Variants in SKOR1 observed in about 807,000 individuals in gnomAD.
SKOR1 encodes SKI family transcriptional corepressor 1, also known as LBX1 corepressor 1.
Under a neutral mutation model 72.4 loss-of-function variants are expected in SKOR1, and 38 were observed. That is an observed-to-expected ratio of 0.52 (90% CI 0.40 to 0.69). The LOEUF is 0.69. Ranked by LOEUF, SKOR1 falls within the 30% of genes least tolerant of loss-of-function variation. The probability of loss-of-function intolerance (pLI) is 0.00; values close to 1 mark genes in which losing one functional copy is unlikely to be tolerated. For synonymous variants in SKOR1, 642 were observed against 599.4 expected, an observed-to-expected ratio of 1.07 and a Z score of -1.04; for missense variants, 1,320 against 1,343.2, an observed-to-expected ratio of 0.98 and a Z score of 0.27.
At position 67,827,341 on chromosome 15, in the gene SKOR1, G is replaced by A; in HGVS notation, c.1513G>A (p.Ala505Thr). 6.3e-7 allele frequency: 1 copy of A among 1,585,972 alleles called. No individual in the cohort carries two copies. The highest frequency in any genetic ancestry group is 1.7e-5 in the Admixed American group (1 of 59,170). ...CAGCCTCCCGGTACCGTCCTACCCC[G>A]CTGCTCAGAGCCAAGCCAAGGCCGT... ...AGSLPVPSYP[A>T]AQSQAKAVAA... The change falls in exon 2 of 9, where the codon GCT (alanine) becomes ACT (threonine). Residue 505 changes from alanine to threonine, a missense_variant. Transcript: ENST00000380035.
chr15:67,826,332 C>A lies in SKOR1; in HGVS notation c.504C>A (p.Gly168=), dbSNP rs777604413. 1 of 1,613,548 alleles carries A rather than the reference C, an allele frequency of 6.2e-7. No individual in the cohort carries two copies. The highest frequency in any genetic ancestry group is 1.1e-5 in the South Asian group (1 of 91,082). The change falls in exon 2 of 9, where the codon GGC becomes GGA. Residue 168 remains glycine (G), a synonymous_variant. Transcript: ENST00000380035. ...AACGCCTGTGCAAGTCGTTCCTGGG[C>A]GAGCACAAACCACCCAAGCTGCCCG... ...EAERLCKSFL[G]EHKPPKLPEN... is the part of the protein sequence containing the mutation.
Position 67,826,164 on chromosome 15 carries a change from C to T in SKOR1, c.336C>T (p.Ser112=). 6.2e-7 allele frequency: 1 copy of T among 1,613,180 alleles called. No homozygotes were observed. The highest frequency in any genetic ancestry group is 8.5e-7 in the Non-Finnish European group (1 of 1,179,584). ...CCAACACCCTCCTCAAGAACTACAGCTATAATGAGATCCACAACCGCCGCG... is the reference window on the plus strand; with the variant it reads ...CCAACACCCTCCTCAAGAACTACAGTTATAATGAGATCCACAACCGCCGCG... ...QISNTLLKNY[S]YNEIHNRRVA... Residue 112 remains serine, a synonymous_variant, in exon 2 of 9, where the codon AGC becomes AGT. Coordinates refer to ENST00000380035, the MANE Select transcript of SKOR1 (RefSeq NM_001365915.1).
At chr15:67,830,688 T>C in intron 4 of SKOR1, 130 bp from the exon 5 acceptor site, 2 of 849,192 alleles carry the variant, frequency 2.4e-6, no homozygotes, top group African/African-American at 1.7e-5. Flanking sequence ...TGGATTCCTG[T>C]AACTGTCTCC....
At position 67,827,384 on chromosome 15, in the gene SKOR1, C is replaced by A; in HGVS notation, c.1556C>A (p.Ala519Glu). Residue 519 changes from alanine (A) to glutamate (E), a missense_variant, in exon 2 of 9, where the codon GCG (alanine) becomes GAG (glutamate). Coordinates refer to ENST00000380035, the MANE Select transcript of SKOR1 (RefSeq NM_001365915.1). The part of the protein sequence containing the change: ...QAKAVAAAVA[A>E]AAAAAAAAAG... ...AAGGCCGTGGCGGCAGCCGTGGCGGCGGCAGCGGCGGCGGCAGCGGCAGCT... is the reference window on the plus strand; with the variant it reads ...AAGGCCGTGGCGGCAGCCGTGGCGGAGGCAGCGGCGGCGGCAGCGGCAGCT... 1 of 1,548,410 alleles carries A rather than the reference C, an allele frequency of 6.5e-7. No individual in the cohort carries two copies.
rs137873737 is a variant in SKOR1, at chr15:67,832,615, C to G, written c.2671C>G (p.Gln891Glu). 6.2e-7 allele frequency: 1 copy of G among 1,613,886 alleles called. No individual in the cohort carries two copies. The highest frequency in any genetic ancestry group is 8.5e-7 in the Non-Finnish European group (1 of 1,179,922). The change falls in exon 7 of 9, where the codon CAG becomes GAG. Residue 891 changes from glutamine (Q) to glutamate (E), a missense_variant. Gln to Glu is a conservative substitution (Grantham distance 29). This residue lies in a region of SKOR1 where 1,099 missense variants were observed against 1,025.5 expected (regional missense o/e 1.07). Coordinates refer to ENST00000380035, the MANE Select transcript of SKOR1 (RefSeq NM_001365915.1). The surrounding 1 kb of genome is among the most constrained non-coding windows in gnomAD (Gnocchi z 4.5). Reference protein sequence around the residue: ...REFQSLKDNFQDQMKRELAYR... With the variant: ...REFQSLKDNFEDQMKRELAYR... ...TTAATCAATTTGCACAGATAATTTT[C>G]AGGATCAAATGAAGAGGGAATTGGC...
Position 67,827,282 on chromosome 15 carries a change from AC to A in SKOR1, c.1457del (p.Pro486ArgfsTer149). 6.3e-7 allele frequency: 1 copy of A among 1,584,986 alleles called. No individual in the cohort carries two copies. ...VAAAAAAATV[Y>X]PTFPMFWPAA... Reference sequence around the variant, plus strand: ...GCAGCGGCCGCCGCCGCCACTGTGTACCCGACGTTTCCCATGTTCTGGCCAG... The same window carrying A: ...GCAGCGGCCGCCGCCGCCACTGTGTACCGACGTTTCCCATGTTCTGGCCAG... On this transcript the variant is annotated frameshift_variant, in exon 2 of 9. Coordinates refer to ENST00000380035, the MANE Select transcript of SKOR1 (RefSeq NM_001365915.1). LOFTEE classifies it high-confidence loss of function.
At position 67,825,572 on chromosome 15, in the gene SKOR1, A is replaced by G. The variant is rs748354021; in HGVS notation, c.-31A>G. ...TGCGAGGGTTGCCGAAGGCGCACGG[A>G]TCTGGGCGCTGAAAAAGCCAGGATT... On this transcript the variant is annotated 5_prime_UTR_variant, in exon 1 of 9. Transcript: ENST00000380035. This position sits in a 1 kb window ranked among gnomAD's most constrained non-coding sequence, Gnocchi z 5.6. 3 of 728,142 alleles carry G rather than the reference A, an allele frequency of 4.1e-6. No individual in the cohort carries two copies. The Admixed American group carries it at 5.8e-5, about 14-fold the overall frequency. 45.1% of individuals were successfully genotyped at this position (728,142 alleles called of 1,614,324 possible). A position where few individuals can be genotyped will look rare whatever the true frequency, so the allele number is the denominator to read the frequency against.
chr15:67,828,522 A>T (rs908374376), intron 2 of SKOR1, among the ~76,000 whole-genome samples: 15 of 152,256 alleles, frequency 9.9e-5, no homozygotes, highest in African/African-American at 3.6e-4. Context: ...CCGGGTGGGC[A>T]TCAGAGCCCC....
intron 5 of SKOR1, among the ~76,000 whole-genome samples, chr15:67,831,978 G>A (rs1026673139): frequency 3.3e-5 from 5 of 151,478 alleles, no homozygotes; most frequent in Non-Finnish European, 5.9e-5. Context: ...CCGTGGGCCA[G>A]CCTCTTAGGT....
Position 67,827,794 on chromosome 15 carries a change from G to A in SKOR1, c.1966G>A (p.Ala656Thr). 1.3e-6 allele frequency: 2 copies of A among 1,571,828 alleles called. No homozygotes were observed. The highest frequency in any genetic ancestry group is 1.3e-5 in the African/African-American group (1 of 74,416). ...YNSASPDVDT[A>T]DEPEVDVESN... ...TTCCGCCTCGCCCGACGTGGACACCGCGGACGAGCCCGAGGTGGACGTGGA... is the reference window on the plus strand; with the variant it reads ...TTCCGCCTCGCCCGACGTGGACACCACGGACGAGCCCGAGGTGGACGTGGA... The change falls in exon 2 of 9, where the codon GCG becomes ACG. Residue 656 changes from alanine (A) to threonine (T), a missense_variant. Transcript: ENST00000380035.
chr15:67,825,529 C>T lies in SKOR1; in HGVS notation c.-74C>T. 2.8e-6 allele frequency: 2 copies of T among 712,994 alleles called. No individual in the cohort carries two copies. The highest frequency in any genetic ancestry group is 2.6e-6 in the Non-Finnish European group (1 of 382,820). The allele number at this position is 712,994 out of a possible 1,614,324, so 44.2% of individuals were successfully genotyped here. ...TCCCCGAAGTCCGGGCTTCAGGACC[C>T]GGGCCGGCAGCACCGGCTGCGAGGG... On this transcript the variant is annotated 5_prime_UTR_variant, in exon 1 of 9. Coordinates refer to ENST00000380035, the MANE Select transcript of SKOR1 (RefSeq NM_001365915.1). The surrounding 1 kb of genome is among the most constrained non-coding windows in gnomAD (Gnocchi z 5.6).
chr15:67,827,784 C>T lies in SKOR1; in HGVS notation c.1956C>T (p.Asp652=), dbSNP rs368785544. The T allele has an allele frequency of 5.1e-4, 798 of 1,566,344 alleles. No individual in the cohort carries two copies. The highest frequency in any genetic ancestry group is 6.2e-4 in the Non-Finnish European group (719 of 1,155,480). The change falls in exon 2 of 9, where the codon GAC becomes GAT. Residue 652 remains aspartate (D), a synonymous_variant. Coordinates refer to ENST00000380035, the MANE Select transcript of SKOR1 (RefSeq NM_001365915.1). ...GSSSYNSASP[D]VDTADEPEVD... is the part of the protein sequence containing the mutation. ...CCAGCTACAATTCCGCCTCGCCCGA[C>T]GTGGACACCGCGGACGAGCCCGAGG...
At position 67,832,520 on chromosome 15, in the gene SKOR1, A is replaced by G; in HGVS notation, c.2663-87A>G. 8.1e-7 allele frequency: 1 copy of G among 1,230,828 alleles called. No individual in the cohort carries two copies. 76.2% of individuals were successfully genotyped at this position (1,230,828 alleles called of 1,614,324 possible). A position where few individuals can be genotyped will look rare whatever the true frequency, so the allele number is the denominator to read the frequency against. On this transcript the variant is annotated intron_variant, in intron 6 of 8. Coordinates refer to ENST00000380035, the MANE Select transcript of SKOR1 (RefSeq NM_001365915.1). This position sits in a 1 kb window ranked among gnomAD's most constrained non-coding sequence, Gnocchi z 4.5. ...GAATGGCTGGGTGGGAGTTGGGGGTAGGGGTGAAAGGGGGGGCCAGGAGTG... is the reference window on the plus strand; with the variant it reads ...GAATGGCTGGGTGGGAGTTGGGGGTGGGGGTGAAAGGGGGGGCCAGGAGTG...
rs2091023319 is a variant in SKOR1, at chr15:67,833,315, CTGAA to C, written c.2803+68_2803+71del. 2 of 1,558,970 alleles carry C rather than the reference CTGAA, an allele frequency of 1.3e-6. No individual in the cohort carries two copies. The highest frequency in any genetic ancestry group is 1.8e-6 in the Non-Finnish European group (2 of 1,132,042). On this transcript the variant is annotated intron_variant, in intron 8 of 8. Coordinates refer to ENST00000380035, the MANE Select transcript of SKOR1 (RefSeq NM_001365915.1). The surrounding 1 kb of genome is among the most constrained non-coding windows in gnomAD (Gnocchi z 6.0). ...TGCTGGGTGCCGGCCGTGCTGTCGA[CTGAA>C]TGAATGAATAGTGGGACTAGTGAGG...
rs549173032 is a variant in SKOR1, at chr15:67,832,492, G to A, written c.2663-115G>A. 401 of 1,318,032 alleles carry A rather than the reference G, an allele frequency of 3.0e-4. 1 individual carries two copies. The Middle Eastern group carries it at 3.9e-3, about 13-fold the overall frequency. 81.6% of individuals were successfully genotyped at this position (1,318,032 alleles called of 1,614,324 possible). A position where few individuals can be genotyped will look rare whatever the true frequency, so the allele number is the denominator to read the frequency against. ...GAAACTGTCCTTTTCCAGGGCTGCA[G>A]GCGAATGGCTGGGTGGGAGTTGGGG... On this transcript the variant is annotated intron_variant, in intron 6 of 8. Transcript: ENST00000380035. This position sits in a 1 kb window ranked among gnomAD's most constrained non-coding sequence, Gnocchi z 4.5.
rs752629799 is a variant in SKOR1, at chr15:67,826,598, C to G, written c.770C>G (p.Thr257Arg). The G allele has an allele frequency of 6.2e-7, 1 of 1,613,918 alleles. No individual in the cohort carries two copies. The highest frequency in any genetic ancestry group is 8.5e-7 in the Non-Finnish European group (1 of 1,179,966). ...CTCAAACTCAGTGACAAGTCGGCCA[C>G]AGACGAACTGAGCCATGCTTGGGAG... ...RHLKLSDKSATDELSHAWEDV... is the reference protein window; with the variant it reads ...RHLKLSDKSARDELSHAWEDV... The change falls in exon 2 of 9, where the codon ACA (threonine) becomes AGA (arginine). Residue 257 changes from threonine to arginine, a missense_variant. This residue lies in a region of SKOR1 where 1,099 missense variants were observed against 1,025.5 expected (regional missense o/e 1.07). Transcript: ENST00000380035.
chr15:67,831,917 C>CG (rs1304030481), intron 5 of SKOR1, among the ~76,000 whole-genome samples: 5 of 18,256 alleles, frequency 2.7e-4, no homozygotes, highest in African/African-American at 9.1e-4. Context: ...GGGGGGAGGT[C>CG]GGGGCCGGGG....
At position 67,827,562 on chromosome 15, in the gene SKOR1, GC is replaced by G; in HGVS notation, c.1739del (p.Pro580ArgfsTer55). 6.6e-7 allele frequency: 1 copy of G among 1,514,706 alleles called. No individual in the cohort carries two copies. Among genetic ancestry groups the G allele is most frequent in the Admixed American group, 2.1e-5 (1 of 47,692 alleles). 93.8% of individuals were successfully genotyped at this position (1,514,706 alleles called of 1,614,324 possible). A position where few individuals can be genotyped will look rare whatever the true frequency, so the allele number is the denominator to read the frequency against. ...EALPPPLAPL[P>X]PPPPPPARKG... ...CGCTGCCACCGCCCCTGGCCCCGTT[GC>G]CCCCGCCGCCCCCGCCGCCCGCACG... On this transcript the variant is annotated frameshift_variant, in exon 2 of 9. Transcript: ENST00000380035. LOFTEE classifies it high-confidence loss of function.
chr15:67,833,764 T>G lies in SKOR1; in HGVS notation c.2826T>G (p.His942Gln). The change falls in exon 9 of 9, where the codon CAT becomes CAG. Residue 942 changes from histidine to glutamine, a missense_variant. His to Gln is a conservative substitution (Grantham distance 24). Transcript: ENST00000380035. This position sits in a 1 kb window ranked among gnomAD's most constrained non-coding sequence, Gnocchi z 6.0. ...KLKEAHDALH[H>Q]FSCKMLTPRH... Reference sequence around the variant, plus strand: ...CAGAAGCCCACGACGCCCTGCACCATTTCTCCTGCAAGATGCTGACGCCCC... The same window carrying G: ...CAGAAGCCCACGACGCCCTGCACCAGTTCTCCTGCAAGATGCTGACGCCCC... 1 of 1,613,612 alleles carries G rather than the reference T, an allele frequency of 6.2e-7. No homozygotes were observed. Among genetic ancestry groups the G allele is most frequent in the Non-Finnish European group, 8.5e-7 (1 of 1,180,024 alleles).
Sources: allele counts gnomAD v4.1 joint callset (sites outside exome capture counted in the v4.1 genomes callset), GRCh38; gene constraint gnomAD v4.1.1; regional missense constraint gnomAD v4.1.1; non-coding constraint Gnocchi (gnomAD v3.1); transcripts MANE v1.5; gene names NCBI Gene and HGNC (gene_info 2026-07-23, HGNC 2026-07-21).